TVP23B: variants seen among roughly 807,000 people sequenced by gnomAD.
TVP23B encodes the protein Golgi apparatus membrane protein TVP23 homolog B.
A neutral mutation model predicts 30.6 loss-of-function variants in TVP23B; 10 were observed. That is an observed-to-expected ratio of 0.33 (90% CI 0.20 to 0.55). TVP23B has a LOEUF of 0.55. Among genes scored for constraint, TVP23B ranks in the 20% least tolerant of loss-of-function variants. The probability of loss-of-function intolerance (pLI) is 0.91; values close to 1 mark genes in which losing one functional copy is unlikely to be tolerated. For missense variants in TVP23B, 153 were observed against 243.2 expected (o/e 0.63, Z 2.47); for synonymous variants, 67 against 83.1 (o/e 0.81, Z 1.06).
chr17:18,789,574 T>C (rs1441190692), intron 2 of TVP23B, 139 bp downstream of exon 2: 26 of 1,149,088 alleles, frequency 2.3e-5, no homozygotes, highest in African/African-American at 6.2e-5. Flanking sequence ...TGACGTTTAG[T>C]GTACGACAAA....
At chr17:18,801,192 G>C (rs1457957186) in intron 5 of TVP23B, among the ~76,000 whole-genome samples, 1 of 152,056 alleles carries the variant, frequency 6.6e-6, no homozygotes, top group Non-Finnish European at 1.5e-5. Flanking sequence ...CATGCTTTTT[G>C]AGTTCTTTTC....
At chr17:18,789,182 T>A in intron 1 of TVP23B, 171 bp from the exon 2 acceptor site, 1 of 1,027,656 alleles carries the variant, frequency 9.7e-7, no homozygotes, top group South Asian at 1.7e-5. Context: ...CCAGATGATT[T>A]GAGGAGGCGG....
intron 1 of TVP23B, among the ~76,000 whole-genome samples, chr17:18,788,074 C>A (rs2035934836): frequency 9.4e-6 from 1 of 106,892 alleles, no homozygotes; most frequent in Non-Finnish European, 1.9e-5. Flanking sequence ...CATGGTGGCT[C>A]ACGCCTGTAA....
chr17:18,806,267 A>G lies in TVP23B; in HGVS notation c.*700A>G, dbSNP rs2036249570. ...GTTCTATTTATTTTACAGAAAGGAT[A>G]GCTAGATTGAAAGCTCTTCAGTGGA... On this transcript the variant is annotated 3_prime_UTR_variant, in exon 7 of 7. Coordinates refer to ENST00000307767, the MANE Select transcript of TVP23B (RefSeq NM_016078.6). 1.0e-6 allele frequency: 1 copy of G among 968,982 alleles called. No individual in the cohort carries two copies. Among genetic ancestry groups the G allele is most frequent in the African/African-American group, 1.8e-5 (1 of 56,860 alleles). The allele number at this position is 968,982 out of a possible 1,614,324, so 60.0% of individuals were successfully genotyped here.
At chr17:18,786,586 T>G (rs528175079) in intron 1 of TVP23B, among the ~76,000 whole-genome samples, 2 of 152,276 alleles carry the variant, frequency 1.3e-5, no homozygotes, top group African/African-American at 4.8e-5. Flanking sequence ...CTGTACGTTA[T>G]GATCACACCT....
chr17:18,784,198 G>C (rs1597612829), intron 1 of TVP23B, among the ~76,000 whole-genome samples: 1 of 152,136 alleles, frequency 6.6e-6, no homozygotes, highest in African/African-American at 2.4e-5. Context: ...CTCTTTCACT[G>C]GTCACTCCAT....
chr17:18,781,385 C>T (rs557518198), intron 1 of TVP23B, 80 bp downstream of exon 1: 5 of 1,534,238 alleles, frequency 3.3e-6, no homozygotes, highest in Admixed American at 4.0e-5. Context: ...GAGCCCGCGT[C>T]CCCCGCGCCC....
Position 18,781,183 on chromosome 17 carries a change from C to G in TVP23B, c.-111C>G. On this transcript the variant is annotated 5_prime_UTR_variant, in exon 1 of 7. Transcript: ENST00000307767. ...GCGGAAGTGAGGCCGGACTGAGGCTCTTACAGTGGTCCCTGCTGGCCCTTG... is the reference window on the plus strand; with the variant it reads ...GCGGAAGTGAGGCCGGACTGAGGCTGTTACAGTGGTCCCTGCTGGCCCTTG... The G allele has an allele frequency of 6.6e-7, 1 of 1,510,346 alleles. No individual in the cohort carries two copies. The highest frequency in any genetic ancestry group is 1.2e-5 in the South Asian group (1 of 81,164). 93.6% of individuals were successfully genotyped at this position (1,510,346 alleles called of 1,614,324 possible).
At chr17:18,788,330 CAAAAAAAAA>C (rs961283447) in intron 1 of TVP23B, among the ~76,000 whole-genome samples, 2 of 67,354 alleles carry the variant, frequency 3.0e-5, no homozygotes, top group African/African-American at 1.1e-4. Context: ...GACTCCATCT[CAAAAAAAAA>C]AAAAAAAAAA....
At chr17:18,791,184 GTAGTT>G in intron 3 of TVP23B, 144 bp downstream of exon 3, 1 of 140,968 alleles carries the variant, frequency 7.1e-6, no homozygotes, top group Non-Finnish European at 1.2e-5. Flanking sequence ...CAAATTGCAT[GTAGTT>G]TTTTTTTTTT....
chr17:18,792,316 G>A (rs2036010545), intron 3 of TVP23B, among the ~76,000 whole-genome samples: 3 of 152,152 alleles, frequency 2.0e-5, no homozygotes, highest in Non-Finnish European at 4.4e-5. Context: ...GATTACAGGC[G>A]TGAGCCACTG....
chr17:18,785,630 T>G lies in TVP23B; in HGVS notation c.13-3723T>G, dbSNP rs1301382006. On this transcript the variant is annotated intron_variant, in intron 1 of 6. Transcript: ENST00000307767. ...GGCTCATGCCTCTAATCGTAGCACT[T>G]TGGGAGGCTAAGGCAGGAGAATTGC... Among the ~76,000 whole-genome samples the G allele has an allele frequency of 3.3e-5, 5 of 151,946 alleles. No individual in the cohort carries two copies. The East Asian group carries it at 9.7e-4, about 29-fold the overall frequency.
rs1443406217 is a variant in TVP23B at position 18,793,097 on chromosome 17, C to T, written c.240+2057C>T. ...GTTTTAAGAAAGTTTACAAATTTCT[C>T]CTGGGCCGCATTCAAAGCTGTCCTG... On this transcript the variant is annotated intron_variant, in intron 3 of 6. Coordinates refer to ENST00000307767, the MANE Select transcript of TVP23B (RefSeq NM_016078.6). 2.6e-5 allele frequency among the ~76,000 whole-genome samples: 4 copies of T among 152,064 alleles called. No individual in the cohort carries two copies. The East Asian group carries it at 5.8e-4, about 22-fold the overall frequency.
At chr17:18,797,417 A>G in intron 3 of TVP23B, 162 bp from the exon 4 acceptor site, 1 of 1,463,312 alleles carries the variant, frequency 6.8e-7, no homozygotes, top group Non-Finnish European at 9.2e-7. Flanking sequence ...ATTTTACTTA[A>G]TCACTTAGCC....
chr17:18,787,676 G>A (rs2035929227), intron 1 of TVP23B, among the ~76,000 whole-genome samples: 1 of 152,176 alleles, frequency 6.6e-6, no homozygotes, highest in South Asian at 2.1e-4. Context: ...GGCAGGAGAT[G>A]GGAGAGAGAT....
intron 1 of TVP23B, chr17:18,782,230 G>T (rs1240073499): frequency 6.7e-6 from 1 of 150,212 alleles, no homozygotes; most frequent in Non-Finnish European, 1.5e-5. Context: ...GTCCTTGGCC[G>T]GGCGTGGTGA....
At chr17:18,784,796 T>C (rs948888075) in intron 1 of TVP23B, among the ~76,000 whole-genome samples, 3 of 152,238 alleles carry the variant, frequency 2.0e-5, no homozygotes, top group Admixed American at 2.0e-4. Flanking sequence ...TTATGTTCCT[T>C]GGTACTTCTT....
Position 18,805,528 on chromosome 17 carries a change from T to TC in TVP23B, c.592-13_592-12insC, listed in dbSNP as rs2036237102. On this transcript the variant is annotated splice_polypyrimidine_tract_variant and intron_variant, in intron 6 of 6. Coordinates refer to ENST00000307767, the MANE Select transcript of TVP23B (RefSeq NM_016078.6). ...TTTGATGTTAAGGAGTTTTTTTTTT[T>TC]TGTCTTTTGCAGAACACTGGAGATG... is the stretch of plus-strand genomic sequence containing the variant. 6.2e-7 allele frequency: 1 copy of TC among 1,606,906 alleles called. No homozygotes were observed. Among genetic ancestry groups the TC allele is most frequent in the Non-Finnish European group, 8.5e-7 (1 of 1,178,116 alleles).
At chr17:18,804,070 T>A (rs1277888244) in intron 5 of TVP23B, 68 bp from the exon 6 acceptor site, 3 of 1,488,360 alleles carry the variant, frequency 2.0e-6, no homozygotes, top group Non-Finnish European at 2.8e-6. Context: ...CTGCCTTGTC[T>A]CATTTATGGC....
Sources: allele counts gnomAD v4.1 joint callset (sites outside exome capture counted in the v4.1 genomes callset), GRCh38; gene constraint gnomAD v4.1.1; transcripts MANE v1.5; gene names NCBI Gene and HGNC (gene_info 2026-07-23, HGNC 2026-07-21).